KLHL29: variants seen among roughly 807,000 people sequenced by gnomAD.
KLHL29 encodes kelch-like protein 29.
In KLHL29, 21 loss-of-function variants were observed where a neutral mutation model predicts 80.4. The ratio of observed to expected loss-of-function variants is 0.26; its 90% CI spans 0.19 to 0.38. The LOEUF (loss-of-function observed/expected upper bound fraction) is 0.38, where lower values mean the gene tolerates loss of function less well. KLHL29 is among the 10% of genes least tolerant of loss of function. The pLI is 1.00. For missense variants in KLHL29, 867 were observed against 1,223.9 expected (o/e 0.71, Z 4.35); for synonymous variants, 511 against 526.8 (o/e 0.97, Z 0.41).
In KLHL29 at chr2:23,686,659, G is replaced by A. The variant is rs533201748; in HGVS notation, c.1079+2122G>A. On this transcript the variant is annotated intron_variant, in intron 6 of 13. Transcript: ENST00000486442. The stretch of plus-strand genomic sequence containing the variant: ...ACAGGCCAGTGTCGGGAGAGCTGGG[G>A]AGATGAGCAGTTGACCATCTGGTGT... Among the ~76,000 whole-genome samples, 157 of 152,264 alleles carry A rather than the reference G, an allele frequency of 1.0e-3. 1 individual carries two copies. In the Middle Eastern group the frequency reaches 0.017, roughly 16 times the overall value.
At chr2:23,676,295 G>T (rs1279245740) in intron 5 of KLHL29, among the ~76,000 whole-genome samples, 2 of 152,080 alleles carry the variant, frequency 1.3e-5, no homozygotes, top group Non-Finnish European at 2.9e-5. Context: ...CCATTCTCCT[G>T]CCTCCGCCTC....
At chr2:23,524,297 G>A (rs1666212899) in intron 2 of KLHL29, 2 of 204,110 alleles carry the variant, frequency 9.8e-6, no homozygotes, top group Non-Finnish European at 2.1e-5. Flanking sequence ...GACTACAGAA[G>A]CACAGGCGCC....
intron 3 of KLHL29, among the ~76,000 whole-genome samples, chr2:23,635,491 C>G (rs1243104771): frequency 6.6e-6 from 1 of 152,236 alleles, no homozygotes; most frequent in African/African-American, 2.4e-5. Flanking sequence ...GCCTCCCCCT[C>G]TGCGCTGCCT....
chr2:23,597,295 T>TG (rs36126326), intron 3 of KLHL29, among the ~76,000 whole-genome samples: 1 of 111,784 alleles, frequency 8.9e-6, no homozygotes, highest in Non-Finnish European at 1.8e-5. Context: ...TCTCTCTCTC[T>TG]CATATATATA....
At chr2:23,578,147 T>G (rs1304237509) in intron 3 of KLHL29, among the ~76,000 whole-genome samples, 1 of 152,198 alleles carries the variant, frequency 6.6e-6, no homozygotes, top group East Asian at 1.9e-4. Flanking sequence ...TGTTGTGATT[T>G]GAGAGGCAGT....
chr2:23,455,677 T>A (rs1214928161), intron 1 of KLHL29, among the ~76,000 whole-genome samples: 1 of 144,868 alleles, frequency 6.9e-6, no homozygotes, highest in African/African-American at 2.5e-5. Flanking sequence ...AGTGGCACCA[T>A]CTCGGCTCAC....
chr2:23,494,145 A>G (rs1665187166), intron 2 of KLHL29, among the ~76,000 whole-genome samples: 1 of 152,210 alleles, frequency 6.6e-6, no homozygotes, highest in African/African-American at 2.4e-5. Flanking sequence ...ATAACAAACT[A>G]TTACTCTAGC....
At chr2:23,509,169 G>A (rs2103460626) in intron 2 of KLHL29, among the ~76,000 whole-genome samples, 1 of 152,364 alleles carries the variant, frequency 6.6e-6, no homozygotes, top group East Asian at 1.9e-4. Flanking sequence ...CAGGGCAGGA[G>A]CAGATGCTTC....
At chr2:23,439,629 G>A (rs1171435386) in intron 1 of KLHL29, among the ~76,000 whole-genome samples, 1 of 152,206 alleles carries the variant, frequency 6.6e-6, no homozygotes, top group Non-Finnish European at 1.5e-5. Context: ...TCTCGAGTGA[G>A]TTTCTTAATC....
intron 1 of KLHL29, among the ~76,000 whole-genome samples, chr2:23,389,082 A>C (rs561393612): frequency 6.8e-6 from 1 of 147,224 alleles, no homozygotes; most frequent in African/African-American, 2.5e-5. Context: ...AGACTTCGAG[A>C]CTATATTAGA....
chr2:23,620,224 GA>G (rs1480453727), intron 3 of KLHL29, among the ~76,000 whole-genome samples: 4 of 152,204 alleles, frequency 2.6e-5, no homozygotes, highest in Admixed American at 6.5e-5. Context: ...GGGGTGGTGA[GA>G]GGGGGCACCA....
At chr2:23,461,413 T>C (rs963544690) in intron 1 of KLHL29, among the ~76,000 whole-genome samples, 2 of 152,194 alleles carry the variant, frequency 1.3e-5, no homozygotes, top group African/African-American at 2.4e-5. Context: ...TTCAACACTT[T>C]TGCAGCTGCT....
intron 2 of KLHL29, among the ~76,000 whole-genome samples, chr2:23,504,543 G>C (rs547567335): frequency 6.6e-6 from 1 of 152,346 alleles, no homozygotes; most frequent in South Asian, 2.1e-4. Flanking sequence ...AGTGTTTCCA[G>C]TTAGGGAGGC....
intron 3 of KLHL29, among the ~76,000 whole-genome samples, chr2:23,589,977 T>C (rs1387964449): frequency 6.6e-6 from 1 of 152,248 alleles, no homozygotes; most frequent in Non-Finnish European, 1.5e-5. Context: ...GCTGGCATCC[T>C]GGGAGAGCCC....
chr2:23,536,250 G>A (rs1666657026), intron 2 of KLHL29, among the ~76,000 whole-genome samples: 1 of 152,170 alleles, frequency 6.6e-6, no homozygotes, highest in South Asian at 2.1e-4. Context: ...ATGATGGAGG[G>A]GTGAATTTTA....
chr2:23,575,615 G>A (rs1667824101), intron 3 of KLHL29, among the ~76,000 whole-genome samples: 2 of 152,192 alleles, frequency 1.3e-5, no homozygotes, highest in Admixed American at 6.5e-5. Flanking sequence ...CTTGGGAGGT[G>A]GTATCATGCC....
intron 5 of KLHL29, among the ~76,000 whole-genome samples, chr2:23,657,495 A>G (rs1670278254): frequency 6.6e-6 from 1 of 152,240 alleles, no homozygotes; most frequent in African/African-American, 2.4e-5. Flanking sequence ...TATATTGCTA[A>G]TGGACATCTC....
At chr2:23,409,335 T>C (rs1313165594) in intron 1 of KLHL29, among the ~76,000 whole-genome samples, 1 of 152,164 alleles carries the variant, frequency 6.6e-6, no homozygotes, top group Non-Finnish European at 1.5e-5. Flanking sequence ...CTATCAGTTA[T>C]GGGAAAGGCA....
chr2:23,564,864 T>TC (rs1051423508), intron 3 of KLHL29, among the ~76,000 whole-genome samples: 2 of 152,142 alleles, frequency 1.3e-5, no homozygotes, highest in Non-Finnish European at 2.9e-5. Flanking sequence ...AGAATGTCTC[T>TC]CCCCCTGAAG....
Sources: gnomAD v4.1 joint callset for allele counts (sites outside exome capture counted in the v4.1 genomes callset) on GRCh38, gnomAD v4.1.1 for gene constraint, MANE v1.5 for transcripts, NCBI Gene and HGNC (gene_info 2026-07-23, HGNC 2026-07-21) for gene names.